The following SUSD5 variants were observed in gnomAD, a reference collection of about 807,000 sequenced individuals.
SUSD5 encodes sushi domain containing 5, also known as sushi domain-containing protein 5.
SUSD5 carries 33 observed loss-of-function variants against 29.5 expected under a neutral mutation model. The ratio of observed to expected loss-of-function variants is 1.12; its 90% CI spans 0.85 to 1.49. The LOEUF (loss-of-function observed/expected upper bound fraction) is 1.49. SUSD5 is among the 40% of genes most tolerant of loss of function. The pLI is 0.00. For synonymous variants in SUSD5, 308 were observed against 325.3 expected (o/e 0.95, Z 0.57); for missense variants, 776 against 800.6 (o/e 0.97, Z 0.37).
intron 4 of SUSD5, among the ~76,000 whole-genome samples, chr3:33,169,016 C>G (rs750587000): frequency 1.3e-5 from 2 of 152,182 alleles, no homozygotes; most frequent in Non-Finnish European, 2.9e-5. Context: ...AGTCACTGAA[C>G]CTTCCTGTAC....
At chr3:33,205,002 C>CGT (rs151069485) in intron 3 of SUSD5, among the ~76,000 whole-genome samples, 1 of 151,872 alleles carries the variant, frequency 6.6e-6, no homozygotes, top group Non-Finnish European at 1.5e-5. Flanking sequence ...CACACACACA[C>CGT]GTGTGTGTGT....
chr3:33,178,252 G>C (rs1159698306), intron 3 of SUSD5, among the ~76,000 whole-genome samples: 1 of 152,140 alleles, frequency 6.6e-6, no homozygotes, highest in East Asian at 1.9e-4. Flanking sequence ...ATAATTATGT[G>C]ATTTTTCTTC....
rs184231043 is a variant in SUSD5 at position 33,164,104 on chromosome 3, G to T, written c.599-10071C>A. On this transcript the variant is annotated intron_variant, in intron 4 of 4. Transcript: ENST00000309558. ...CAGGAGAATCACTTGAACCCAGGAG[G>T]TGGAGGTTGCAGTGAGCCAAGATCT... Among the ~76,000 whole-genome samples the T allele has an allele frequency of 3.3e-4, 50 of 152,268 alleles. 1 individual carries two copies. The East Asian group carries it at 9.6e-3, about 29-fold the overall frequency.
chr3:33,155,305 T>G (rs1401087715), intron 4 of SUSD5, among the ~76,000 whole-genome samples: 1 of 152,202 alleles, frequency 6.6e-6, no homozygotes, highest in African/African-American at 2.4e-5. Context: ...GATATCAGAT[T>G]AGTCATTAAA....
intron 2 of SUSD5, among the ~76,000 whole-genome samples, chr3:33,210,154 T>C (rs963796461): frequency 6.6e-6 from 1 of 152,224 alleles, no homozygotes; most frequent in Non-Finnish European, 1.5e-5. Flanking sequence ...TAGGATACTA[T>C]CTTCCTCAAA....
At chr3:33,197,983 A>G (rs2032026021) in intron 3 of SUSD5, among the ~76,000 whole-genome samples, 1 of 152,152 alleles carries the variant, frequency 6.6e-6, no homozygotes. Flanking sequence ...ATACCCAGGC[A>G]TGGAATTACT....
intron 3 of SUSD5, among the ~76,000 whole-genome samples, chr3:33,200,582 C>G (rs953212429): frequency 6.6e-6 from 1 of 152,166 alleles, no homozygotes; most frequent in Non-Finnish European, 1.5e-5. Context: ...AAAAAGACTA[C>G]CTTGCCACGA....
intron 4 of SUSD5, among the ~76,000 whole-genome samples, chr3:33,171,373 T>G (rs2031424020): frequency 6.6e-6 from 1 of 151,780 alleles, no homozygotes; most frequent in South Asian, 2.1e-4. Flanking sequence ...TATGGGCAAA[T>G]TAAGGCTCAG....
chr3:33,174,618 C>T (rs909423999), intron 4 of SUSD5, among the ~76,000 whole-genome samples: 7 of 152,208 alleles, frequency 4.6e-5, no homozygotes, highest in Non-Finnish European at 1.0e-4. Flanking sequence ...AACTCAAGGT[C>T]AACTGTGTAC....
rs577757574 is a variant in SUSD5 at position 33,186,227 on chromosome 3, G to A, written c.410-11153C>T. Among the ~76,000 whole-genome samples the A allele has an allele frequency of 1.3e-3, 194 of 151,696 alleles. 2 individuals carry two copies. The highest frequency in any genetic ancestry group is 4.2e-3 in the African/African-American group (172 of 41,374). ...TGAGGCAGGAGAATGGCGTGAACCC[G>A]GGAGGTGGAGCTTGCAGTGAGCCGA... On this transcript the variant is annotated intron_variant, in intron 3 of 4. Transcript: ENST00000309558.
chr3:33,172,637 T>C (rs1334999824), intron 4 of SUSD5, among the ~76,000 whole-genome samples: 2 of 152,228 alleles, frequency 1.3e-5, no homozygotes, highest in African/African-American at 4.8e-5. Flanking sequence ...AGAAGAAAGA[T>C]GAGGAAAGTT....
At chr3:33,181,039 TAAAG>T (rs1046860035) in intron 3 of SUSD5, among the ~76,000 whole-genome samples, 5 of 146,388 alleles carry the variant, frequency 3.4e-5, no homozygotes, top group African/African-American at 1.2e-4. Flanking sequence ...AATAAGGATA[TAAAG>T]AAAGAAAATG....
Position 33,214,113 on chromosome 3 carries a change from G to T in SUSD5, c.113-8C>A. Reference sequence around the variant, plus strand: ...CCAGCACAAAGAACTTTCCTGTGTGGGAACAAGAACAAACACATGTGGATT... The same window carrying T: ...CCAGCACAAAGAACTTTCCTGTGTGTGAACAAGAACAAACACATGTGGATT... On this transcript the variant is annotated splice_polypyrimidine_tract_variant and splice_region_variant and intron_variant, in intron 1 of 4. Transcript: ENST00000309558. The T allele has an allele frequency of 6.3e-7, 1 of 1,590,958 alleles. No homozygotes were observed. Among genetic ancestry groups the T allele is most frequent in the Non-Finnish European group, 8.5e-7 (1 of 1,169,602 alleles).
intron 1 of SUSD5, among the ~76,000 whole-genome samples, chr3:33,215,495 T>C (rs778424568): frequency 5.3e-5 from 8 of 152,348 alleles, no homozygotes; most frequent in Middle Eastern, 3.4e-3. Flanking sequence ...GTGTTTACTA[T>C]GGACTAGATG....
chr3:33,185,347 T>C (rs1575536900), intron 3 of SUSD5, among the ~76,000 whole-genome samples: 1 of 152,206 alleles, frequency 6.6e-6, no homozygotes, highest in South Asian at 2.1e-4. Context: ...TCTGATATTT[T>C]CTGTAAGGAC....
chr3:33,213,649 C>G (rs954376352), intron 2 of SUSD5, among the ~76,000 whole-genome samples: 48 of 151,992 alleles, frequency 3.2e-4, no homozygotes, highest in Non-Finnish European at 6.2e-4. Context: ...TGGCACATGC[C>G]TGTAATCCCA....
intron 3 of SUSD5, among the ~76,000 whole-genome samples, chr3:33,201,059 T>C (rs1052157406): frequency 2.6e-5 from 4 of 152,192 alleles, no homozygotes; most frequent in African/African-American, 9.7e-5. Flanking sequence ...TGAGAAACCC[T>C]GTTTTGGAAA....
intron 4 of SUSD5, among the ~76,000 whole-genome samples, chr3:33,161,165 A>G (rs909612334): frequency 3.9e-5 from 6 of 152,212 alleles, no homozygotes; most frequent in Non-Finnish European, 8.8e-5. Flanking sequence ...GTGAATGTTG[A>G]CTGCATAAAA....
chr3:33,210,630 A>G (rs2032305747), intron 2 of SUSD5, among the ~76,000 whole-genome samples: 1 of 152,200 alleles, frequency 6.6e-6, no homozygotes, highest in Non-Finnish European at 1.5e-5. Context: ...AAGATGCACC[A>G]CACATTTAAT....
Sources: allele counts gnomAD v4.1 joint callset (sites outside exome capture counted in the v4.1 genomes callset), GRCh38; gene constraint gnomAD v4.1.1; transcripts MANE v1.5; gene names NCBI Gene and HGNC (gene_info 2026-07-23, HGNC 2026-07-21).